The following ELMO1 variants were observed in gnomAD, a reference collection of about 807,000 sequenced individuals.
The protein encoded by ELMO1 is engulfment and cell motility 1, also known as engulfment and cell motility protein 1.
Under a neutral mutation model 98.9 loss-of-function variants are expected in ELMO1, and 26 were observed. The observed-to-expected ratio is 0.26, with a 90% CI of 0.19 to 0.36. The LOEUF is 0.36. ELMO1 is among the 10% of genes least tolerant of loss of function. The pLI is 1.00. For synonymous variants in ELMO1, 346 were observed against 346.0 expected (o/e 1.00, Z 0.00); for missense variants, 627 against 935.2 (o/e 0.67, Z 4.30).
intron 16 of ELMO1, chr7:36,986,108 C>A (rs951112860): frequency 1.0e-6 from 1 of 989,966 alleles, no homozygotes; most frequent in Non-Finnish European, 1.2e-6. Flanking sequence ...CGCCGCACAC[C>A]TTTAAATGGT....
chr7:36,878,994 G>C (rs1804205094), intron 18 of ELMO1, among the ~76,000 whole-genome samples: 1 of 152,202 alleles, frequency 6.6e-6, no homozygotes, highest in South Asian at 2.1e-4. Flanking sequence ...CCCATCCTCT[G>C]AGATGTTCTA....
chr7:37,295,928 T>C (rs1006502161), intron 4 of ELMO1, among the ~76,000 whole-genome samples: 1 of 152,250 alleles, frequency 6.6e-6, no homozygotes, highest in African/African-American at 2.4e-5. Flanking sequence ...CTTTTGTGTG[T>C]TGTTGCCTTA....
At chr7:37,146,792 A>G (rs1482285752) in intron 13 of ELMO1, among the ~76,000 whole-genome samples, 1 of 152,206 alleles carries the variant, frequency 6.6e-6, no homozygotes, top group Non-Finnish European at 1.5e-5. Flanking sequence ...TGAGAGCAGA[A>G]AAATAACTGT....
At chr7:37,290,894 A>G (rs190477716) in intron 4 of ELMO1, among the ~76,000 whole-genome samples, 1 of 152,304 alleles carries the variant, frequency 6.6e-6, no homozygotes, top group African/African-American at 2.4e-5. Context: ...GGAAGAACAG[A>G]GGAAGAGAAA....
chr7:37,162,468 G>C (rs1037890374), intron 13 of ELMO1, among the ~76,000 whole-genome samples: 21 of 152,134 alleles, frequency 1.4e-4, no homozygotes, highest in Admixed American at 2.6e-4. Flanking sequence ...TCATGCACAG[G>C]CTCAGCAATC....
intron 2 of ELMO1, among the ~76,000 whole-genome samples, chr7:37,334,103 G>T (rs1353200131): frequency 6.6e-6 from 1 of 152,154 alleles, no homozygotes; most frequent in Middle Eastern, 3.2e-3. Context: ...CCTGAACCTT[G>T]AATCACTACA....
At position 37,271,834 on chromosome 7, in the gene ELMO1, G is replaced by C. The variant is rs769583066; in HGVS notation, c.241C>G (p.Pro81Ala). ...NGTILRLTTS[P>A]AQNAQQLHER... The stretch of plus-strand genomic sequence containing the variant: ...GTCAGAAGCTAAGATCAACTTACTG[G>C]AGATGTGGTTAATCGAAGGATAGTG... The change falls in exon 5 of 22, where the codon CCA becomes GCA. Residue 81 changes from proline (P) to alanine (A), a missense_variant and splice_region_variant. Pro to Ala is a conservative substitution (Grantham distance 27). Transcript: ENST00000310758. 13 of 1,613,974 alleles carry C rather than the reference G, an allele frequency of 8.1e-6. No homozygotes were observed. In the Admixed American group the frequency reaches 2.2e-4, roughly 27 times the overall value.
chr7:36,913,269 GT>G (rs1784459854), intron 16 of ELMO1, among the ~76,000 whole-genome samples: 1 of 152,184 alleles, frequency 6.6e-6, no homozygotes, highest in Admixed American at 6.5e-5. Flanking sequence ...ATACATCTCT[GT>G]ATCTGTTTGG....
chr7:36,876,268 A>C lies in ELMO1; in HGVS notation c.1822+1742T>G, dbSNP rs1306256724. 4.2e-4 allele frequency among the ~76,000 whole-genome samples: 64 copies of C among 152,124 alleles called. 1 individual carries two copies. Among genetic ancestry groups the C allele is most frequent in the Admixed American group, 4.2e-3 (64 of 15,270 alleles). ...TGTGAGTTTTTCAGAGGGCTAATTT[A>C]GTTTAGCAGAAGGGACTGTCTTTTA... On this transcript the variant is annotated intron_variant, in intron 19 of 21. Coordinates refer to ENST00000310758, the MANE Select transcript of ELMO1 (RefSeq NM_014800.11).
intron 7 of ELMO1, among the ~76,000 whole-genome samples, chr7:37,238,262 C>T (rs867541150): frequency 6.6e-6 from 1 of 152,224 alleles, no homozygotes; most frequent in Middle Eastern, 3.4e-3. Flanking sequence ...ATAGATATTG[C>T]ATGTCTATCG....
chr7:37,284,023 G>A (rs1797272832), intron 4 of ELMO1, among the ~76,000 whole-genome samples: 2 of 152,016 alleles, frequency 1.3e-5, no homozygotes, highest in Non-Finnish European at 2.9e-5. Flanking sequence ...GTGAGCACTA[G>A]GGGAGTATGA....
At chr7:37,072,410 G>A (rs35721463) in intron 15 of ELMO1, among the ~76,000 whole-genome samples, 13,014 of 151,996 alleles carry the variant, frequency 0.086, 858 homozygotes, top group African/African-American at 0.19. Flanking sequence ...TGCCATCCAC[G>A]TACGATGTGA....
intron 16 of ELMO1, among the ~76,000 whole-genome samples, chr7:36,963,088 G>A (rs911958587): frequency 2.0e-5 from 3 of 152,168 alleles, no homozygotes; most frequent in African/African-American, 7.2e-5. Flanking sequence ...GTAGTAATTA[G>A]TAATGGCATC....
chr7:37,437,074 T>C (rs895459827), intron 1 of ELMO1, among the ~76,000 whole-genome samples: 1 of 152,170 alleles, frequency 6.6e-6, no homozygotes, highest in East Asian at 1.9e-4. Context: ...TTCCAAAGCA[T>C]GAATGGACCC....
chr7:36,922,347 C>CAAA (rs750588423), intron 16 of ELMO1, among the ~76,000 whole-genome samples: 2,091 of 85,378 alleles, frequency 0.024, 83 homozygotes, highest in African/African-American at 0.077. Flanking sequence ...CACAGACTTG[C>CAAA]AAAAAAAAAA....
intron 16 of ELMO1, among the ~76,000 whole-genome samples, chr7:36,925,527 T>C (rs905596453): frequency 1.3e-5 from 2 of 152,168 alleles, no homozygotes; most frequent in African/African-American, 4.8e-5. Context: ...GCAGAGTCTC[T>C]TCTGTCCCAT....
chr7:37,441,498 C>G (rs538107175), intron 1 of ELMO1, among the ~76,000 whole-genome samples: 1 of 152,340 alleles, frequency 6.6e-6, no homozygotes, highest in South Asian at 2.1e-4. Context: ...TACTATCCAA[C>G]TAGTCAAGGT....
intron 14 of ELMO1, among the ~76,000 whole-genome samples, chr7:37,117,984 A>AT (rs1404349381): frequency 6.6e-6 from 1 of 152,248 alleles, no homozygotes; most frequent in Non-Finnish European, 1.5e-5. Flanking sequence ...TGTTGAAGCC[A>AT]TTTCAGGGAC....
At chr7:37,353,909 CCTGT>C (rs1384179963) in intron 1 of ELMO1, among the ~76,000 whole-genome samples, 5 of 152,330 alleles carry the variant, frequency 3.3e-5, no homozygotes, top group Non-Finnish European at 5.9e-5. Flanking sequence ...TCGCTTTCAC[CCTGT>C]CTTTGTTCAG....
Sources: allele counts gnomAD v4.1 joint callset (sites outside exome capture counted in the v4.1 genomes callset), GRCh38; gene constraint gnomAD v4.1.1; transcripts MANE v1.5; gene names NCBI Gene and HGNC (gene_info 2026-07-23, HGNC 2026-07-21).